Variants in INPP5D observed in about 807,000 individuals in gnomAD.
INPP5D encodes phosphatidylinositol 3,4,5-trisphosphate 5-phosphatase 1.
In INPP5D, 33 loss-of-function variants were observed where a neutral mutation model predicts 122.9. The ratio of observed to expected loss-of-function variants is 0.27; its 90% CI spans 0.20 to 0.36. The LOEUF (loss-of-function observed/expected upper bound fraction) is 0.36, where lower values mean the gene tolerates loss of function less well. Ranked by LOEUF, INPP5D falls within the 10% of genes least tolerant of loss-of-function variation. The pLI is 1.00. For missense variants in INPP5D, 1,053 were observed against 1,412.7 expected, an observed-to-expected ratio of 0.75 and a Z score of 4.08; for synonymous variants, 584 against 576.2, an observed-to-expected ratio of 1.01 and a Z score of -0.19.
At chr2:233,168,005 C>CAAAAAAAAAAAAAAAAAAAAAA (rs58025565) in intron 13 of INPP5D, among the ~76,000 whole-genome samples, 1 of 72,712 alleles carries the variant, frequency 1.4e-5, no homozygotes, top group Non-Finnish European at 2.5e-5. Flanking sequence ...ACTCTGTCTC[C>CAAAAAAAAAAAAAAAAAAAAAA]AAAAAAAAAA....
intron 2 of INPP5D, among the ~76,000 whole-genome samples, chr2:233,097,410 G>A (rs1039142558): frequency 2.0e-5 from 3 of 152,190 alleles, no homozygotes; most frequent in African/African-American, 7.2e-5. Context: ...TAATTAATAG[G>A]TTAATTTATA....
chr2:233,168,018 A>G lies in INPP5D; in HGVS notation c.1556-1287A>G, dbSNP rs559897715. Reference sequence around the variant, plus strand: ...AGACTCTGTCTCCAAAAAAAAAAAAAAAAAAAAGAAAGAAAGGAAGAAAAG... The same window carrying G: ...AGACTCTGTCTCCAAAAAAAAAAAAGAAAAAAAGAAAGAAAGGAAGAAAAG... On this transcript the variant is annotated intron_variant, in intron 13 of 26. Coordinates refer to ENST00000445964, the MANE Select transcript of INPP5D (RefSeq NM_001017915.3). Among the ~76,000 whole-genome samples, 528 of 117,646 alleles carry G rather than the reference A, an allele frequency of 4.5e-3. 4 individuals carry two copies. The highest frequency in any genetic ancestry group is 0.014 in the African/African-American group (498 of 36,488). The allele number at this position is 117,646 out of a possible 152,430, so 77.2% of individuals were successfully genotyped here. A position where few individuals can be genotyped will look rare whatever the true frequency, so the allele number is the denominator to read the frequency against.
At chr2:233,171,707 T>G (rs1268886318) in intron 17 of INPP5D, among the ~76,000 whole-genome samples, 2 of 152,230 alleles carry the variant, frequency 1.3e-5, no homozygotes, top group Non-Finnish European at 2.9e-5. Context: ...GATGGCCTAT[T>G]ATGGGTTAGG....
At chr2:233,192,926 T>C (rs1373754197) in intron 22 of INPP5D, among the ~76,000 whole-genome samples, 1 of 152,210 alleles carries the variant, frequency 6.6e-6, no homozygotes, top group African/African-American at 2.4e-5. Context: ...GTTTTTTGTT[T>C]TTGGAGGCCA....
chr2:233,163,769 C>A lies in INPP5D; in HGVS notation c.1303C>A (p.Arg435=). ...TCTCTCCAAGGGGCAGGGAAAGACGCGGGACGACTCTGCGGACTACATCCC... is the reference window on the plus strand; with the variant it reads ...TCTCTCCAAGGGGCAGGGAAAGACGAGGGACGACTCTGCGGACTACATCCC... ...WFLSKGQGKT[R]DDSADYIPHD... is the part of the protein sequence containing the mutation. Residue 435 remains arginine, a synonymous_variant, in exon 12 of 27, where the codon CGG becomes AGG. Transcript: ENST00000445964. 6.2e-7 allele frequency: 1 copy of A among 1,613,974 alleles called. No individual in the cohort carries two copies.
chr2:233,194,870 C>G (rs1695142416), intron 23 of INPP5D, among the ~76,000 whole-genome samples: 1 of 152,064 alleles, frequency 6.6e-6, no homozygotes, highest in African/African-American at 2.4e-5. Flanking sequence ...GGCACAATCT[C>G]AGATCACTGC....
Position 233,164,334 on chromosome 2 carries a change from C to T in INPP5D, c.1465C>T (p.Arg489Cys), listed in dbSNP as rs948616312. The T allele has an allele frequency of 1.9e-6, 3 of 1,551,666 alleles. No homozygotes were observed. Among genetic ancestry groups the T allele is most frequent in the African/African-American group, 2.7e-5 (2 of 73,038 alleles). ...CGCCATCCACACGCTCTGGAACATC[C>T]GCATCGTGGTGCTGGCCAAGCCTGA... Reference protein sequence around the residue: ...TVAIHTLWNIRIVVLAKPEHE... With the variant: ...TVAIHTLWNICIVVLAKPEHE... The change falls in exon 13 of 27, where the codon CGC becomes TGC. Residue 489 changes from arginine to cysteine, a missense_variant. Arg to Cys is a radical substitution (Grantham distance 180). This residue lies in a region of INPP5D where 105 missense variants were observed against 199.8 expected (regional missense o/e 0.53). Transcript: ENST00000445964. This position sits in a 1 kb window ranked among gnomAD's most constrained non-coding sequence, Gnocchi z 4.3.
chr2:233,168,005 C>CAAAAAAAAAAAAAAAA (rs58025565), intron 13 of INPP5D, among the ~76,000 whole-genome samples: 2 of 72,712 alleles, frequency 2.8e-5, no homozygotes, highest in African/African-American at 5.3e-5. Context: ...ACTCTGTCTC[C>CAAAAAAAAAAAAAAAA]AAAAAAAAAA....
rs1392343618 is a variant in INPP5D at position 233,206,662 on chromosome 2, T to C, written c.3568-44T>C. The C allele has an allele frequency of 3.9e-6, 3 of 765,462 alleles. No individual in the cohort carries two copies. The highest frequency in any genetic ancestry group is 7.3e-6 in the Non-Finnish European group (3 of 410,908). 47.4% of individuals were successfully genotyped at this position (765,462 alleles called of 1,614,324 possible). A position where few individuals can be genotyped will look rare whatever the true frequency, so the allele number is the denominator to read the frequency against. ...CTGGGCCACTTAGTTCAACATGGCC[T>C]GGTGAGAATGAGCCCTGACAGCCCT... is the stretch of plus-strand genomic sequence containing the variant. On this transcript the variant is annotated intron_variant, in intron 26 of 26. Coordinates refer to ENST00000445964, the MANE Select transcript of INPP5D (RefSeq NM_001017915.3). This position sits in a 1 kb window ranked among gnomAD's most constrained non-coding sequence, Gnocchi z 4.0.
intron 2 of INPP5D, among the ~76,000 whole-genome samples, chr2:233,096,320 T>C (rs1692138946): frequency 6.6e-6 from 1 of 152,196 alleles, no homozygotes; most frequent in Non-Finnish European, 1.5e-5. Context: ...GTGAAATATG[T>C]GATCGCAATA....
rs750310165 is a variant in INPP5D, at chr2:233,195,387, C to G, written c.2597-12C>G. The G allele has an allele frequency of 1.2e-6, 2 of 1,613,680 alleles. No individual in the cohort carries two copies. The highest frequency in any genetic ancestry group is 1.7e-6 in the Non-Finnish European group (2 of 1,179,776). On this transcript the variant is annotated splice_polypyrimidine_tract_variant and intron_variant, in intron 23 of 26. Coordinates refer to ENST00000445964, the MANE Select transcript of INPP5D (RefSeq NM_001017915.3). ...GGCCCTCACATGCTCTTTCCCGTCCCTTTCCTTCCAGACTTTGTGAAGACG... is the reference window on the plus strand; with the variant it reads ...GGCCCTCACATGCTCTTTCCCGTCCGTTTCCTTCCAGACTTTGTGAAGACG...
rs184272080 is a variant in INPP5D at position 233,192,238 on chromosome 2, C to T, written c.2447-1574C>T. Among the ~76,000 whole-genome samples the T allele has an allele frequency of 7.2e-5, 11 of 152,330 alleles. No individual in the cohort carries two copies. In the East Asian group the frequency reaches 2.1e-3, roughly 29 times the overall value. On this transcript the variant is annotated intron_variant, in intron 22 of 26. Coordinates refer to ENST00000445964, the MANE Select transcript of INPP5D (RefSeq NM_001017915.3). Reference sequence around the variant, plus strand: ...AGCAGGAAACAGGCAGTACGCAAAACACACGCTTCATTTTCTCATTCAAAT... The same window carrying T: ...AGCAGGAAACAGGCAGTACGCAAAATACACGCTTCATTTTCTCATTCAAAT...
At chr2:233,104,472 C>T (rs529802306) in intron 2 of INPP5D, among the ~76,000 whole-genome samples, 4 of 152,218 alleles carry the variant, frequency 2.6e-5, no homozygotes, top group East Asian at 3.9e-4. Context: ...CAGGGACTCA[C>T]GGGACAGAGG....
chr2:233,159,234 C>G (rs1316288568), intron 10 of INPP5D, among the ~76,000 whole-genome samples: 1 of 152,228 alleles, frequency 6.6e-6, no homozygotes. Flanking sequence ...TCTGTGCCCC[C>G]ACAGTGGGTT....
rs143649567 is a variant in INPP5D at position 233,175,356 on chromosome 2, G to T, written c.1990-1909G>T. Among the ~76,000 whole-genome samples, 327 of 151,688 alleles carry T rather than the reference G, an allele frequency of 2.2e-3. 1 individual carries two copies. Among genetic ancestry groups the T allele is most frequent in the Middle Eastern group, 6.9e-3 (2 of 290 alleles). ...AAACAATGGAACTTTTATAAGCAAC[G>T]AAGTGGCTGAAGGAGTCCAACATAA... is the stretch of plus-strand genomic sequence containing the variant. On this transcript the variant is annotated intron_variant, in intron 17 of 26. Transcript: ENST00000445964.
At chr2:233,144,686 G>A (rs992910111) in intron 6 of INPP5D, among the ~76,000 whole-genome samples, 24 of 117,216 alleles carry the variant, frequency 2.0e-4, no homozygotes, top group Non-Finnish European at 3.3e-4. Flanking sequence ...GTGATGGTGA[G>A]GGTGGAGGTG....
At chr2:233,182,295 C>A in intron 18 of INPP5D, 115 bp from the exon 19 acceptor site, 1 of 1,460,570 alleles carries the variant, frequency 6.8e-7, no homozygotes, top group Non-Finnish European at 9.1e-7. Context: ...TGCAAAACTT[C>A]GCACTTCTGG....
chr2:233,156,710 G>A (rs1378734264), intron 9 of INPP5D, among the ~76,000 whole-genome samples: 2 of 152,228 alleles, frequency 1.3e-5, no homozygotes, highest in Non-Finnish European at 2.9e-5. Flanking sequence ...TGTGTGAAAT[G>A]TGGTTGTTAA....
intron 1 of INPP5D, among the ~76,000 whole-genome samples, chr2:233,073,953 T>A (rs993398529): frequency 3.3e-5 from 5 of 152,316 alleles, no homozygotes; most frequent in Admixed American, 6.5e-5. Context: ...TATGCAGTGG[T>A]CTCTCGAATC....
Sources: gnomAD v4.1 joint callset for allele counts (sites outside exome capture counted in the v4.1 genomes callset) on GRCh38, gnomAD v4.1.1 for gene constraint, gnomAD v4.1.1 regional missense constraint, Gnocchi (gnomAD v3.1) non-coding constraint, MANE v1.5 for transcripts, NCBI Gene and HGNC (gene_info 2026-07-23, HGNC 2026-07-21) for gene names.